PPARGC1B: variants seen among roughly 807,000 people sequenced by gnomAD.
PPARGC1B encodes the protein peroxisome proliferator-activated receptor gamma coactivator 1-beta.
PPARGC1B carries 34 observed loss-of-function variants against 101.6 expected under a neutral mutation model. The observed-to-expected ratio is 0.33, with a 90% CI of 0.25 to 0.45. PPARGC1B has a LOEUF of 0.45. PPARGC1B is among the 20% of genes least tolerant of loss of function. PPARGC1B has a pLI of 1.00. For missense variants in PPARGC1B, 1,234 were observed against 1,317.6 expected (o/e 0.94, Z 0.98); for synonymous variants, 548 against 539.3 (o/e 1.02, Z -0.22).
intron 1 of PPARGC1B, among the ~76,000 whole-genome samples, chr5:149,765,416 A>T (rs1390115965): frequency 6.6e-6 from 1 of 152,204 alleles, no homozygotes; most frequent in African/African-American, 2.4e-5. Flanking sequence ...AAGTCCAAAG[A>T]TGTGAGACTG....
chr5:149,829,630 G>T (rs1758663808), intron 3 of PPARGC1B, among the ~76,000 whole-genome samples: 4 of 151,250 alleles, frequency 2.6e-5, no homozygotes. Flanking sequence ...CTCAGCTCAG[G>T]TACACTCTGT....
chr5:149,841,572 A>G (rs149669524), intron 9 of PPARGC1B, among the ~76,000 whole-genome samples: 123 of 152,290 alleles, frequency 8.1e-4, no homozygotes, highest in African/African-American at 2.8e-3. Flanking sequence ...GGGAACACAG[A>G]TTTCCAGGAA....
At chr5:149,809,941 A>ATGAAGGAGAGAG (rs1182314133) in intron 1 of PPARGC1B, among the ~76,000 whole-genome samples, 2 of 151,942 alleles carry the variant, frequency 1.3e-5, no homozygotes, top group Non-Finnish European at 2.9e-5. Context: ...GCTATGGGAG[A>ATGAAGGAGAGAG]TGAAGGAGAG....
chr5:149,773,335 C>T (rs1364178016), intron 1 of PPARGC1B, among the ~76,000 whole-genome samples: 1 of 152,266 alleles, frequency 6.6e-6, no homozygotes, highest in Non-Finnish European at 1.5e-5. Flanking sequence ...CCCCGGCCTC[C>T]TGCCGGCCTG....
At position 149,835,361 on chromosome 5, in the gene PPARGC1B, A is replaced by G. The variant is rs1301644573; in HGVS notation, c.1803A>G (p.Thr601=). The G allele has an allele frequency of 1.2e-6, 2 of 1,613,994 alleles. No homozygotes were observed. Among genetic ancestry groups the G allele is most frequent in the Non-Finnish European group, 1.7e-6 (2 of 1,179,960 alleles). The change falls in exon 7 of 12, where the codon ACA becomes ACG. Residue 601 remains threonine, a synonymous_variant. Transcript: ENST00000309241. ...EQTLTVELCG[T]AGLTPPTTPP... Reference sequence around the variant, plus strand: ...CCTTGACAGTGGAGCTCTGTGGCACAGCAGGTGAGCCAGGGGGCTTCCACT... The same window carrying G: ...CCTTGACAGTGGAGCTCTGTGGCACGGCAGGTGAGCCAGGGGGCTTCCACT...
At chr5:149,739,677 G>A (rs1376420831) in intron 1 of PPARGC1B, among the ~76,000 whole-genome samples, 1 of 152,190 alleles carries the variant, frequency 6.6e-6, no homozygotes, top group East Asian at 1.9e-4. Flanking sequence ...AGACACCATT[G>A]CCCTGAGTGG....
At position 149,732,045 on chromosome 5, in the gene PPARGC1B, GGTGTGTGTGTGT is replaced by G. The variant is rs3042304; in HGVS notation, c.78+1647_78+1658del. On this transcript the variant is annotated intron_variant, in intron 1 of 11. Transcript: ENST00000309241. ...GTGTGATGAGCGGGTTGCGCGCGCGGGTGTGTGTGTGTGTGTGTGTGTGTGTGTGTGTGCACA... is the reference window on the plus strand; with the variant it reads ...GTGTGATGAGCGGGTTGCGCGCGCGGGTGTGTGTGTGTGTGTGTGTGCACA... 3.7e-3 allele frequency among the ~76,000 whole-genome samples: 559 copies of G among 149,134 alleles called. 1 individual carries two copies. Among genetic ancestry groups the G allele is most frequent in the African/African-American group, 0.012 (499 of 40,492 alleles).
At chr5:149,750,617 G>C (rs1172275158) in intron 1 of PPARGC1B, among the ~76,000 whole-genome samples, 21 of 152,064 alleles carry the variant, frequency 1.4e-4, no homozygotes, top group Non-Finnish European at 1.3e-4. Flanking sequence ...CTTTCACACA[G>C]AGCTGCTTAC....
chr5:149,827,881 A>C (rs1388182780), intron 3 of PPARGC1B, among the ~76,000 whole-genome samples: 1 of 152,184 alleles, frequency 6.6e-6, no homozygotes, highest in East Asian at 1.9e-4. Context: ...CTGGAGTGTG[A>C]AGTCTAGCTT....
chr5:149,807,108 C>T (rs1277491283), intron 1 of PPARGC1B, among the ~76,000 whole-genome samples: 6 of 150,390 alleles, frequency 4.0e-5, no homozygotes, highest in South Asian at 2.1e-4. Context: ...AATAGGCATA[C>T]GCTACTGTGC....
At position 149,820,444 on chromosome 5, in the gene PPARGC1B, C is replaced by G. The variant is rs368304290; in HGVS notation, c.90C>G (p.Ser30=). 1.2e-6 allele frequency: 2 copies of G among 1,613,810 alleles called. No individual in the cohort carries two copies. Among genetic ancestry groups the G allele is most frequent in the East Asian group, 4.5e-5 (2 of 44,872 alleles). The change falls in exon 2 of 12, where the codon TCC becomes TCG. Residue 30 remains serine, a synonymous_variant. Coordinates refer to ENST00000309241, the MANE Select transcript of PPARGC1B (RefSeq NM_133263.4). ...TCCTGTCTCCTCAGGGTGGAGGGTC[C>G]GGGGAGGAGCAACTCTATGCTGACT... ...NYLADTQGGG[S]GEEQLYADFP... is the part of the protein sequence containing the mutation.
intron 1 of PPARGC1B, among the ~76,000 whole-genome samples, chr5:149,743,545 T>C (rs920059326): frequency 6.6e-6 from 1 of 152,154 alleles, no homozygotes; most frequent in African/African-American, 2.4e-5. Flanking sequence ...GACTTAACAG[T>C]CCCTGGCACA....
chr5:149,746,568 C>T (rs142930021), intron 1 of PPARGC1B, among the ~76,000 whole-genome samples: 31 of 152,276 alleles, frequency 2.0e-4, no homozygotes, highest in African/African-American at 7.2e-4. Flanking sequence ...CATGGGTGCA[C>T]AAATATCTCT....
chr5:149,833,326 G>C lies in PPARGC1B; in HGVS notation c.1253G>C (p.Arg418Thr). 1 of 1,613,470 alleles carries C rather than the reference G, an allele frequency of 6.2e-7. No homozygotes were observed. Among genetic ancestry groups the C allele is most frequent in the Non-Finnish European group, 8.5e-7 (1 of 1,180,036 alleles). ...SLRPLRLEVK[R>T]EVRRPARLQQ... ...CGCCCACTGCGGCTGGAGGTGAAAA[G>C]GGAGGTCCGCCGGCCTGCCAGACTG... The change falls in exon 5 of 12, where the codon AGG becomes ACG. Residue 418 changes from arginine to threonine, a missense_variant. This residue lies in a region of PPARGC1B where 734 missense variants were observed against 768.4 expected (regional missense o/e 0.96). Transcript: ENST00000309241. This position sits in a 1 kb window ranked among gnomAD's most constrained non-coding sequence, Gnocchi z 4.1.
intron 10 of PPARGC1B, among the ~76,000 whole-genome samples, chr5:149,843,611 C>G (rs928252764): frequency 6.6e-6 from 1 of 152,114 alleles, no homozygotes; most frequent in Non-Finnish European, 1.5e-5. Flanking sequence ...AACCTAGAAC[C>G]CCCATCTGAT....
intron 1 of PPARGC1B, among the ~76,000 whole-genome samples, chr5:149,774,565 C>T (rs189710219): frequency 6.6e-6 from 1 of 152,028 alleles, no homozygotes; most frequent in Non-Finnish European, 1.5e-5. Context: ...ATCTCTAGGA[C>T]TCCCAGCTTT....
chr5:149,855,990 G>T (rs140907583), downstream of PPARGC1B, among the ~76,000 whole-genome samples: 695 of 152,102 alleles, frequency 4.6e-3, 4 homozygotes, highest in African/African-American at 0.016. Flanking sequence ...GGTGAGGGGC[G>T]CCTGTAATCC....
At chr5:149,842,566 G>A (rs1404675485) in intron 10 of PPARGC1B, among the ~76,000 whole-genome samples, 189 bp downstream of exon 10, 2 of 152,218 alleles carry the variant, frequency 1.3e-5, no homozygotes, top group South Asian at 2.1e-4. Flanking sequence ...CAGCAAACAC[G>A]TGCTGATGGT....
At chr5:149,762,776 C>T (rs13358977) in intron 1 of PPARGC1B, among the ~76,000 whole-genome samples, 50,280 of 151,914 alleles carry the variant, frequency 0.33, 8,826 homozygotes, top group Non-Finnish European at 0.39. Flanking sequence ...TCCCTCATGG[C>T]GCCAAGGTTC....
Sources: allele counts gnomAD v4.1 joint callset (sites outside exome capture counted in the v4.1 genomes callset), GRCh38; gene constraint gnomAD v4.1.1; regional missense constraint gnomAD v4.1.1; non-coding constraint Gnocchi (gnomAD v3.1); transcripts MANE v1.5; gene names NCBI Gene and HGNC (gene_info 2026-07-23, HGNC 2026-07-21).